Variants in MBOAT1 observed in about 807,000 individuals in gnomAD.
The protein encoded by MBOAT1 is membrane bound glycerophospholipid O-acyltransferase 1.
MBOAT1 carries 67 observed loss-of-function variants against 64.4 expected under a neutral mutation model. The observed-to-expected ratio is 1.04, with a 90% CI of 0.85 to 1.27. The LOEUF (loss-of-function observed/expected upper bound fraction) is 1.27. MBOAT1 is among the 50% of genes most tolerant of loss of function. The pLI is 0.00. For synonymous variants in MBOAT1, 229 were observed against 218.9 expected, an observed-to-expected ratio of 1.05 and a Z score of -0.41; for missense variants, 563 against 604.6, an observed-to-expected ratio of 0.93 and a Z score of 0.72.
In MBOAT1 at chr6:20,171,341, G is replaced by A. The variant is rs139927959; in HGVS notation, c.100-18572C>T. Among the ~76,000 whole-genome samples, 453 of 147,936 alleles carry A rather than the reference G, an allele frequency of 3.1e-3. 2 individuals are homozygous for A. Among genetic ancestry groups the A allele is most frequent in the African/African-American group, 8.9e-3 (357 of 40,018 alleles). On this transcript the variant is annotated intron_variant, in intron 1 of 12. Transcript: ENST00000324607. ...TGCTTGAGCCCAGGAGTTCAAGACC[G>A]GCCGGGGCAACATAGCAAGATGCCA...
At chr6:20,205,481 T>C (rs1439454882) in intron 1 of MBOAT1, among the ~76,000 whole-genome samples, 2 of 152,146 alleles carry the variant, frequency 1.3e-5, no homozygotes, top group African/African-American at 4.8e-5. Context: ...AGGGAATATA[T>C]GGCCATACCT....
Position 20,099,813 on chromosome 6 carries a change from A to G in MBOAT1, c.*2473T>C, listed in dbSNP as rs1356735928. On this transcript the variant is annotated 3_prime_UTR_variant, in exon 13 of 13. Transcript: ENST00000324607. Reference sequence around the variant, plus strand: ...CAACTTGGAAATCTAAGGTAATAAAAACAGTCCCAACCTTCCGTCTAAATG... The same window carrying G: ...CAACTTGGAAATCTAAGGTAATAAAGACAGTCCCAACCTTCCGTCTAAATG... Among the ~76,000 whole-genome samples, 6 of 152,240 alleles carry G rather than the reference A, an allele frequency of 3.9e-5. No individual in the cohort carries two copies. The highest frequency in any genetic ancestry group is 3.9e-4 in the Admixed American group (6 of 15,282).
At chr6:20,166,153 T>C (rs1317159189) in intron 1 of MBOAT1, among the ~76,000 whole-genome samples, 2 of 152,186 alleles carry the variant, frequency 1.3e-5, no homozygotes, top group African/African-American at 2.4e-5. Context: ...TCTCCTTTAC[T>C]TTATCATAAC....
intron 1 of MBOAT1, among the ~76,000 whole-genome samples, chr6:20,197,963 A>G (rs1763004693): frequency 6.6e-6 from 1 of 152,222 alleles, no homozygotes; most frequent in African/African-American, 2.4e-5. Context: ...ACAGTGGCTC[A>G]CACCTGTAAT....
rs1260724008 is a variant in MBOAT1, at chr6:20,100,757, C to G, written c.*1529G>C. Among the ~76,000 whole-genome samples, 1 of 152,078 alleles carries G rather than the reference C, an allele frequency of 6.6e-6. No individual in the cohort carries two copies. The highest frequency in any genetic ancestry group is 1.5e-5 in the Non-Finnish European group (1 of 68,010). ...ATTCAATAAGAAATTAATTTTTTAT[C>G]GTTGGATTTGAATAAATTTTCTTCT... On this transcript the variant is annotated 3_prime_UTR_variant, in exon 13 of 13. Coordinates refer to ENST00000324607, the MANE Select transcript of MBOAT1 (RefSeq NM_001080480.3).
chr6:20,182,708 G>A (rs1762543893), intron 1 of MBOAT1, among the ~76,000 whole-genome samples: 1 of 152,132 alleles, frequency 6.6e-6, no homozygotes, highest in Non-Finnish European at 1.5e-5. Flanking sequence ...ACACCGTGCA[G>A]CTGCTCCAAC....
intron 2 of MBOAT1, 73 bp downstream of exon 2, chr6:20,152,551 T>G: frequency 6.8e-7 from 1 of 1,468,056 alleles, no homozygotes; most frequent in African/African-American, 1.4e-5. Flanking sequence ...TTTCTGGCTT[T>G]AGTGCAATTC....
In MBOAT1 at chr6:20,152,629, G is replaced by A. The variant is rs369420302; in HGVS notation, c.240C>T (p.Phe80=). Reference sequence around the variant, plus strand: ...TATATGAGGCTCATACTCACCAGCCGAAACAAAAGATGACAAAATAGATGC... The same window carrying A: ...TATATGAGGCTCATACTCACCAGCCAAAACAAAAGATGACAAAATAGATGC... ...IFGIYFVIFC[F]GWYSVHLFVL... is the part of the protein sequence containing the mutation. Residue 80 remains phenylalanine (F), a synonymous_variant, in exon 2 of 13, where the codon TTC becomes TTT. Coordinates refer to ENST00000324607, the MANE Select transcript of MBOAT1 (RefSeq NM_001080480.3). The A allele has an allele frequency of 3.0e-4, 476 of 1,608,344 alleles. 2 individuals are homozygous for A. The highest frequency in any genetic ancestry group is 3.8e-4 in the Non-Finnish European group (442 of 1,176,830).
intron 1 of MBOAT1, among the ~76,000 whole-genome samples, chr6:20,180,556 C>T (rs1266074641): frequency 1.3e-5 from 2 of 152,168 alleles, no homozygotes; most frequent in African/African-American, 4.8e-5. Context: ...TCACTCATAC[C>T]CTACTCTCTG....
At chr6:20,211,601 GA>G (rs1763421039) in intron 1 of MBOAT1, among the ~76,000 whole-genome samples, 1 of 152,100 alleles carries the variant, frequency 6.6e-6, no homozygotes, top group African/African-American at 2.4e-5. Flanking sequence ...CGAACCCTGG[GA>G]AAACCAAAGT....
intron 4 of MBOAT1, among the ~76,000 whole-genome samples, chr6:20,140,095 G>A (rs1233170678): frequency 6.6e-6 from 1 of 152,122 alleles, no homozygotes; most frequent in East Asian, 1.9e-4. Flanking sequence ...ATTCCCTCTA[G>A]CACAGGCTGA....
intron 1 of MBOAT1, among the ~76,000 whole-genome samples, chr6:20,194,473 T>C (rs1035539873): frequency 6.6e-6 from 1 of 152,230 alleles, no homozygotes; most frequent in Non-Finnish European, 1.5e-5. Flanking sequence ...AGGTATTTTG[T>C]AGAAACCCTC....
Position 20,113,016 on chromosome 6 carries a change from G to A in MBOAT1, c.1077-8C>T. ...ACCCGCTGATAGCACACACTGTGAA[G>A]AGAGGAAGGAACAAGACACAGGTGA... On this transcript the variant is annotated splice_region_variant and splice_polypyrimidine_tract_variant and intron_variant, in intron 10 of 12. Transcript: ENST00000324607. The A allele has an allele frequency of 1.2e-6, 2 of 1,611,796 alleles. No homozygotes were observed. The highest frequency in any genetic ancestry group is 1.7e-6 in the Non-Finnish European group (2 of 1,179,174).
At chr6:20,141,730 G>A (rs765879426) in intron 4 of MBOAT1, among the ~76,000 whole-genome samples, 3 of 152,006 alleles carry the variant, frequency 2.0e-5, no homozygotes, top group Admixed American at 6.6e-5. Context: ...GACTGGAGAC[G>A]GGGCAGGGCA....
intron 1 of MBOAT1, among the ~76,000 whole-genome samples, chr6:20,182,168 G>T (rs188521189): frequency 7.9e-5 from 12 of 152,292 alleles, no homozygotes; most frequent in Admixed American, 3.3e-4. Context: ...AAATACCTTA[G>T]ACTAGGTAAT....
intron 3 of MBOAT1, among the ~76,000 whole-genome samples, chr6:20,150,376 C>T (rs948716350): frequency 7.2e-5 from 11 of 152,016 alleles, no homozygotes; most frequent in African/African-American, 2.7e-4. Flanking sequence ...TTTCCTCATC[C>T]CTCTTTGTGA....
chr6:20,143,394 A>G (rs1761236386), intron 4 of MBOAT1, among the ~76,000 whole-genome samples: 1 of 152,244 alleles, frequency 6.6e-6, no homozygotes, highest in Non-Finnish European at 1.5e-5. Context: ...CTGAAGGTCA[A>G]GGAGGCCTGG....
chr6:20,197,873 G>A (rs1468363733), intron 1 of MBOAT1, among the ~76,000 whole-genome samples: 3 of 151,728 alleles, frequency 2.0e-5, no homozygotes, highest in Non-Finnish European at 4.4e-5. Flanking sequence ...TTCCACACCT[G>A]GCTATCTCTA....
chr6:20,099,839 T>C lies in MBOAT1; in HGVS notation c.*2447A>G, dbSNP rs535898836. 2.3e-4 allele frequency among the ~76,000 whole-genome samples: 35 copies of C among 152,362 alleles called. No individual in the cohort carries two copies. Among genetic ancestry groups the C allele is most frequent in the African/African-American group, 7.9e-4 (33 of 41,590 alleles). ...ACAGTCCCAACCTTCCGTCTAAATG[T>C]TGGTCCTCAGTTGAAATCTTTTTCT... On this transcript the variant is annotated 3_prime_UTR_variant, in exon 13 of 13. Coordinates refer to ENST00000324607, the MANE Select transcript of MBOAT1 (RefSeq NM_001080480.3).
Sources: gnomAD v4.1 joint callset for allele counts (sites outside exome capture counted in the v4.1 genomes callset) on GRCh38, gnomAD v4.1.1 for gene constraint, MANE v1.5 for transcripts, NCBI Gene and HGNC (gene_info 2026-07-23, HGNC 2026-07-21) for gene names.